Variants in WDFY3 observed in about 807,000 individuals in gnomAD.
WDFY3 encodes WD repeat and FYVE domain containing 3, also known as WD repeat and FYVE domain-containing protein 3.
Under a neutral mutation model 409.6 loss-of-function variants are expected in WDFY3, and 66 were observed. The ratio of observed to expected loss-of-function variants is 0.16; its 90% CI spans 0.13 to 0.20. WDFY3 has a LOEUF of 0.20. WDFY3 is among the 10% of genes least tolerant of loss of function. The pLI is 1.00. For missense variants in WDFY3, 3,031 were observed against 4,298.1 expected (o/e 0.71, Z 8.24); for synonymous variants, 1,521 against 1,537.1 (o/e 0.99, Z 0.25).
intron 21 of WDFY3, among the ~76,000 whole-genome samples, chr4:84,792,423 T>C (rs536419952): frequency 6.6e-6 from 1 of 152,326 alleles, no homozygotes; most frequent in Non-Finnish European, 1.5e-5. Flanking sequence ...AGACTGTAAG[T>C]CTTCTCAAGT....
In WDFY3 at chr4:84,696,034, T is replaced by C. The variant is rs375068044; in HGVS notation, c.8837A>G (p.Asn2946Ser). The change falls in exon 58 of 68, where the codon AAT (asparagine) becomes AGT (serine). Residue 2946 changes from asparagine to serine, a missense_variant. By Grantham distance (46) the Asn-to-Ser change is conservative. Around this residue, in one of 16 missense-constraint regions of WDFY3, gnomAD observed 129 missense variants for 305.3 expected, o/e 0.42. Transcript: ENST00000295888. Reference protein sequence around the residue: ...YEGQVDIYNINDPLKETATIG... With the variant: ...YEGQVDIYNISDPLKETATIG... ...TGTGGCTGTCTCCTTTAGTGGGTCA[T>C]TGATGTTGTAGATATCCACTTGACC... 39 of 1,614,070 alleles carry C rather than the reference T, an allele frequency of 2.4e-5. No individual in the cohort carries two copies. The highest frequency in any genetic ancestry group is 2.2e-4 in the Admixed American group (13 of 60,002).
chr4:84,689,678 T>C (rs989456982), intron 61 of WDFY3, among the ~76,000 whole-genome samples: 4 of 152,228 alleles, frequency 2.6e-5, no homozygotes, highest in African/African-American at 9.6e-5. Flanking sequence ...ATAGCTTTAC[T>C]GCTACATGTG....
chr4:84,694,977 G>C (rs1729853394), intron 58 of WDFY3, among the ~76,000 whole-genome samples: 1 of 152,044 alleles, frequency 6.6e-6, no homozygotes, highest in Non-Finnish European at 1.5e-5. Context: ...CCTACAAAAA[G>C]GGAGTCCGTA....
intron 1 of WDFY3, among the ~76,000 whole-genome samples, chr4:84,957,258 C>CAAAAAAAAAAAAA (rs149018066): frequency 1.7e-5 from 1 of 59,368 alleles, no homozygotes. Context: ...TTTCATATAC[C>CAAAAAAAAAAAAA]AAAAAAAAAA....
At chr4:84,860,321 AT>A in intron 4 of WDFY3, 90 bp downstream of exon 4, 6 of 1,396,276 alleles carry the variant, frequency 4.3e-6, no homozygotes, top group South Asian at 3.1e-5. Context: ...TCAGCCTATC[AT>A]TTTTTTCTAC....
chr4:84,826,987 A>G lies in WDFY3; in HGVS notation c.957-6T>C. 1.2e-6 allele frequency: 2 copies of G among 1,601,788 alleles called. No homozygotes were observed. Among genetic ancestry groups the G allele is most frequent in the Non-Finnish European group, 1.7e-6 (2 of 1,177,062 alleles). ...CCTCTTTTGCTTGTTCCAATCTAGA[A>G]AAGTATGATTTAGAAAGTATTTTTT... On this transcript the variant is annotated splice_region_variant and splice_polypyrimidine_tract_variant and intron_variant, in intron 9 of 67. Coordinates refer to ENST00000295888, the MANE Select transcript of WDFY3 (RefSeq NM_014991.6).
intron 2 of WDFY3, among the ~76,000 whole-genome samples, chr4:84,915,898 T>A (rs1027401407): frequency 5.9e-5 from 9 of 152,164 alleles, no homozygotes; most frequent in African/African-American, 2.2e-4. Flanking sequence ...ACAAAACCAA[T>A]TACTTACCAT....
intron 67 of WDFY3, among the ~76,000 whole-genome samples, chr4:84,673,896 C>T (rs930101575): frequency 1.3e-5 from 2 of 152,086 alleles, no homozygotes; most frequent in Non-Finnish European, 2.9e-5. Context: ...AGACTACAGA[C>T]GTGAGCCACT....
At chr4:84,913,079 T>C (rs777984495) in intron 2 of WDFY3, among the ~76,000 whole-genome samples, 1 of 152,186 alleles carries the variant, frequency 6.6e-6, no homozygotes, top group African/African-American at 2.4e-5. Context: ...TATTGGACAA[T>C]GCCCTTGGCC....
At chr4:84,899,074 T>C (rs1384160088) in intron 2 of WDFY3, among the ~76,000 whole-genome samples, 1 of 152,210 alleles carries the variant, frequency 6.6e-6, no homozygotes, top group Non-Finnish European at 1.5e-5. Context: ...ATTTCTAGGA[T>C]ACGATCAACT....
intron 2 of WDFY3, among the ~76,000 whole-genome samples, chr4:84,908,388 A>C (rs1329978661): frequency 6.6e-6 from 1 of 152,208 alleles, no homozygotes; most frequent in Admixed American, 6.5e-5. Flanking sequence ...GAACACTAAA[A>C]AAGGAAAATC....
At chr4:84,737,507 G>A in intron 40 of WDFY3, 141 bp from the exon 41 acceptor site, 1 of 1,000,074 alleles carries the variant, frequency 1.0e-6, no homozygotes, top group African/African-American at 1.7e-5. Context: ...AGCTCATGTT[G>A]TATCTAGCCC....
intron 61 of WDFY3, among the ~76,000 whole-genome samples, chr4:84,688,867 T>C (rs1728777188): frequency 6.6e-6 from 1 of 152,178 alleles, no homozygotes; most frequent in African/African-American, 2.4e-5. Flanking sequence ...AGGAATTCTT[T>C]CTTTAAACTA....
At chr4:84,780,066 A>AG in intron 26 of WDFY3, 42 bp downstream of exon 26, 2 of 1,502,864 alleles carry the variant, frequency 1.3e-6, no homozygotes, top group South Asian at 2.8e-5. Context: ...AGAGTATTTT[A>AG]GGTGCCAGGT....
chr4:84,745,360 G>C (rs1739244236), intron 36 of WDFY3, among the ~76,000 whole-genome samples: 2 of 152,158 alleles, frequency 1.3e-5, no homozygotes, highest in African/African-American at 4.8e-5. Flanking sequence ...CAAGTGAAAT[G>C]GAAGAACCTA....
chr4:84,804,612 T>G (rs1180920061), intron 15 of WDFY3, among the ~76,000 whole-genome samples: 1 of 152,164 alleles, frequency 6.6e-6, no homozygotes, highest in African/African-American at 2.4e-5. Flanking sequence ...ATTTCTAAAC[T>G]TACTAAGAAA....
chr4:84,817,997 A>G (rs958314067), intron 12 of WDFY3, among the ~76,000 whole-genome samples: 2 of 152,164 alleles, frequency 1.3e-5, no homozygotes, highest in African/African-American at 4.8e-5. Context: ...GAATGGAATA[A>G]ATTATTCCAC....
chr4:84,752,114 T>C (rs1003084078), intron 35 of WDFY3, among the ~76,000 whole-genome samples: 1 of 151,960 alleles, frequency 6.6e-6, no homozygotes, highest in Non-Finnish European at 1.5e-5. Flanking sequence ...TAAGGGGTGA[T>C]CCATTTATTA....
At chr4:84,770,070 G>A (rs1432644264) in intron 30 of WDFY3, among the ~76,000 whole-genome samples, 5 of 149,944 alleles carry the variant, frequency 3.3e-5, no homozygotes, top group South Asian at 2.1e-4. Flanking sequence ...ACTCTGTCAC[G>A]CAGGCTGGAG....
Sources: gnomAD v4.1 joint callset for allele counts (sites outside exome capture counted in the v4.1 genomes callset) on GRCh38, gnomAD v4.1.1 for gene constraint, gnomAD v4.1.1 regional missense constraint, MANE v1.5 for transcripts, NCBI Gene and HGNC (gene_info 2026-07-23, HGNC 2026-07-21) for gene names.